MYCBP2: variants seen among roughly 807,000 people sequenced by gnomAD.
MYCBP2 encodes the protein E3 ubiquitin-protein ligase MYCBP2.
MYCBP2 carries 120 observed loss-of-function variants against 525.3 expected under a neutral mutation model. That is an observed-to-expected ratio of 0.23 (90% CI 0.20 to 0.27). MYCBP2 has a LOEUF of 0.27. MYCBP2 is among the 10% of genes least tolerant of loss of function. MYCBP2 has a pLI of 1.00. For missense variants in MYCBP2, 4,149 were observed against 5,657.1 expected, an observed-to-expected ratio of 0.73 and a Z score of 8.55; for synonymous variants, 1,894 against 1,955.8, an observed-to-expected ratio of 0.97 and a Z score of 0.83.
chr13:77,177,607 C>G (rs1448259057), intron 35 of MYCBP2, 141 bp downstream of exon 35: 4 of 710,128 alleles, frequency 5.6e-6, no homozygotes, highest in Non-Finnish European at 9.5e-6. Flanking sequence ...CAGGTGTGAG[C>G]CACTGTGGCC....
intron 34 of MYCBP2, among the ~76,000 whole-genome samples, chr13:77,179,253 C>T (rs762969176): frequency 2.6e-5 from 4 of 152,064 alleles, no homozygotes; most frequent in African/African-American, 9.7e-5. Flanking sequence ...AAAGAAGTTC[C>T]TTGACAAGAA....
At chr13:77,126,191 A>G (rs868023371) in intron 53 of MYCBP2, 127 bp downstream of exon 53, 3 of 686,552 alleles carry the variant, frequency 4.4e-6, no homozygotes, top group South Asian at 4.4e-5. Context: ...TTGCAATACA[A>G]GTAAAGATAA....
intron 38 of MYCBP2, among the ~76,000 whole-genome samples, chr13:77,170,577 C>CTT (rs1157749294): frequency 1.6e-3 from 225 of 138,996 alleles, no homozygotes; most frequent in African/African-American, 5.0e-3. Flanking sequence ...GTGGAGGTAA[C>CTT]TTTTTTTTTT....
chr13:77,129,996 T>G (rs1229705294), intron 52 of MYCBP2, among the ~76,000 whole-genome samples: 1 of 151,854 alleles, frequency 6.6e-6, no homozygotes, highest in Non-Finnish European at 1.5e-5. Flanking sequence ...TAAGGAACAA[T>G]TAATTCACAG....
At chr13:77,262,293 A>G (rs999981235) in intron 10 of MYCBP2, among the ~76,000 whole-genome samples, 164 bp from the exon 11 acceptor site, 1 of 152,090 alleles carries the variant, frequency 6.6e-6, no homozygotes, top group Non-Finnish European at 1.5e-5. Flanking sequence ...CCATAGGTAT[A>G]GTACTCCAAG....
intron 26 of MYCBP2, 123 bp downstream of exon 26, chr13:77,205,133 C>A (rs1706839569): frequency 5.0e-6 from 4 of 800,048 alleles, no homozygotes; most frequent in Non-Finnish European, 6.9e-6. Context: ...TAAAAAGAAG[C>A]ATTAAAAACA....
intron 46 of MYCBP2, among the ~76,000 whole-genome samples, chr13:77,154,754 C>T (rs1348251492): frequency 6.6e-6 from 1 of 151,976 alleles, no homozygotes; most frequent in Non-Finnish European, 1.5e-5. Context: ...GTACTGTGAT[C>T]AAAAATCTGT....
intron 55 of MYCBP2, among the ~76,000 whole-genome samples, chr13:77,120,112 C>CA (rs1253059080): frequency 6.6e-6 from 1 of 151,972 alleles, no homozygotes; most frequent in Non-Finnish European, 1.5e-5. Flanking sequence ...TTGTGTTAAA[C>CA]AAGGCTTTAA....
chr13:77,218,112 A>G (rs993076465), intron 20 of MYCBP2, among the ~76,000 whole-genome samples, 155 bp from the exon 21 acceptor site: 3 of 152,226 alleles, frequency 2.0e-5, no homozygotes, highest in Non-Finnish European at 2.9e-5. Flanking sequence ...TCTCCATTCC[A>G]GGTACTAGGT....
intron 29 of MYCBP2, among the ~76,000 whole-genome samples, chr13:77,189,535 A>G (rs1460728884): frequency 6.6e-6 from 1 of 152,166 alleles, no homozygotes; most frequent in Non-Finnish European, 1.5e-5. Context: ...GATTACCAGA[A>G]AGAAAGATAG....
At chr13:77,181,675 A>T in intron 33 of MYCBP2, 26 bp downstream of exon 33, 2 of 1,596,404 alleles carry the variant, frequency 1.3e-6, no homozygotes. Flanking sequence ...GTGCCTCTGT[A>T]TAAAAGATTT....
rs538898238 is a variant in MYCBP2, at chr13:77,063,474, G to A, written c.12673-777C>T. Among the ~76,000 whole-genome samples the A allele has an allele frequency of 8.1e-5, 12 of 149,006 alleles. No individual in the cohort carries two copies. In the South Asian group the frequency reaches 1.1e-3, roughly 13 times the overall value. ...CTTGGGAGGCTGAGACAGGAGAATCGCTTGTACCTGCAGGCGGAGGCTGCA... is the reference window on the plus strand; with the variant it reads ...CTTGGGAGGCTGAGACAGGAGAATCACTTGTACCTGCAGGCGGAGGCTGCA... On this transcript the variant is annotated intron_variant, in intron 73 of 82. Coordinates refer to ENST00000544440, the MANE Select transcript of MYCBP2 (RefSeq NM_015057.5).
At position 77,250,239 on chromosome 13, in the gene MYCBP2, T is replaced by A. The variant is rs201627874; in HGVS notation, c.2381+912A>T. 2.0e-3 allele frequency among the ~76,000 whole-genome samples: 271 copies of A among 133,132 alleles called. 6 individuals are homozygous for A. The East Asian group carries it at 0.043, about 21-fold the overall frequency. 87.3% of individuals were successfully genotyped at this position (133,132 alleles called of 152,430 possible). On this transcript the variant is annotated intron_variant, in intron 15 of 82. Coordinates refer to ENST00000544440, the MANE Select transcript of MYCBP2 (RefSeq NM_015057.5). ...CTCCGTCTCAAAAAAAAAAAAAAAA[T>A]CATATCTCAGCAGCCTTAAAGAAAA...
At chr13:77,211,814 T>A in intron 22 of MYCBP2, 142 bp downstream of exon 22, 3 of 679,986 alleles carry the variant, frequency 4.4e-6, no homozygotes, top group Non-Finnish European at 7.4e-6. Flanking sequence ...AACGGAGACA[T>A]TTACAGGCTT....
chr13:77,216,397 T>C (rs9574015), intron 21 of MYCBP2, among the ~76,000 whole-genome samples: 4,922 of 152,252 alleles, frequency 0.032, 214 homozygotes, highest in East Asian at 0.17. Flanking sequence ...GGATGCTAAA[T>C]CTAGGGGGAA....
intron 17 of MYCBP2, among the ~76,000 whole-genome samples, chr13:77,240,599 C>T (rs1209762597): frequency 3.9e-5 from 6 of 151,938 alleles, no homozygotes. Context: ...CAGAGTGAGA[C>T]TTCATCTCAA....
At chr13:77,294,129 T>TATATATATATATATAC (rs1450128273) in intron 2 of MYCBP2, among the ~76,000 whole-genome samples, 28 of 26,132 alleles carry the variant, frequency 1.1e-3, no homozygotes, top group African/African-American at 2.2e-3. Flanking sequence ...TATATATATA[T>TATATATATATATATAC]ACATATATAT....
intron 5 of MYCBP2, among the ~76,000 whole-genome samples, 158 bp from the exon 6 acceptor site, chr13:77,270,696 TAAG>T (rs1274251376): frequency 1.3e-5 from 2 of 152,208 alleles, no homozygotes; most frequent in African/African-American, 2.4e-5. Flanking sequence ...AGTTCATCTA[TAAG>T]AAGCAAATCT....
intron 46 of MYCBP2, among the ~76,000 whole-genome samples, chr13:77,151,781 T>C (rs2154194418): frequency 6.6e-6 from 1 of 152,382 alleles, no homozygotes; most frequent in African/African-American, 2.4e-5. Flanking sequence ...TACTAACTAC[T>C]ATTTCTGAAA....
Sources: allele counts gnomAD v4.1 joint callset (sites outside exome capture counted in the v4.1 genomes callset), GRCh38; gene constraint gnomAD v4.1.1; transcripts MANE v1.5; gene names NCBI Gene and HGNC (gene_info 2026-07-23, HGNC 2026-07-21).